Variants in USP32 observed in about 807,000 individuals in gnomAD.
USP32 encodes the protein ubiquitin carboxyl-terminal hydrolase 32.
In USP32, 59 loss-of-function variants were observed where a neutral mutation model predicts 204.8. The observed-to-expected ratio is 0.29, with a 90% CI of 0.23 to 0.36. The LOEUF (loss-of-function observed/expected upper bound fraction) is 0.36, where lower values mean the gene tolerates loss of function less well. Ranked by LOEUF, USP32 falls within the 10% of genes least tolerant of loss-of-function variation. The pLI is 1.00. For synonymous variants in USP32, 517 were observed against 678.4 expected, an observed-to-expected ratio of 0.76 and a Z score of 3.70; for missense variants, 1,160 against 1,946.4, an observed-to-expected ratio of 0.60 and a Z score of 7.60.
In USP32 at chr17:60,187,828, A is replaced by G. The variant is rs534610416; in HGVS notation, c.3643-2177T>C. On this transcript the variant is annotated intron_variant, in intron 29 of 33. Transcript: ENST00000300896. ...CTCTACTATTGTTTAAATAATCTAT[A>G]AATTACTTATAGGCACCCTCTTCTT... Among the ~76,000 whole-genome samples, 149 of 152,330 alleles carry G rather than the reference A, an allele frequency of 9.8e-4. 1 individual carries two copies. The highest frequency in any genetic ancestry group is 1.7e-3 in the Non-Finnish European group (113 of 68,038).
chr17:60,347,437 T>C (rs1323351954), intron 1 of USP32, among the ~76,000 whole-genome samples: 3 of 151,076 alleles, frequency 2.0e-5, no homozygotes, highest in Non-Finnish European at 4.4e-5. Flanking sequence ...CACTGCAAGC[T>C]CCGCCTCCCA....
At chr17:60,330,671 C>T (rs866799297) in intron 2 of USP32, among the ~76,000 whole-genome samples, 6 of 151,910 alleles carry the variant, frequency 3.9e-5, no homozygotes, top group Non-Finnish European at 5.9e-5. Flanking sequence ...CTCAGCCTCC[C>T]GAGTAGCTGG....
intron 29 of USP32, among the ~76,000 whole-genome samples, chr17:60,190,168 C>A (rs2084341953): frequency 6.6e-6 from 1 of 152,182 alleles, no homozygotes; most frequent in Non-Finnish European, 1.5e-5. Context: ...GTTTGGTCCT[C>A]CCTCTTGCCT....
chr17:60,312,760 A>T (rs570717483), intron 2 of USP32, among the ~76,000 whole-genome samples: 1 of 152,212 alleles, frequency 6.6e-6, no homozygotes, highest in Non-Finnish European at 1.5e-5. Context: ...ACCAACCTAC[A>T]TGCTTAAAAG....
chr17:60,277,636 A>G (rs237959), intron 5 of USP32, among the ~76,000 whole-genome samples: 4 of 152,124 alleles, frequency 2.6e-5, no homozygotes, highest in African/African-American at 9.7e-5. Flanking sequence ...GACAATATAC[A>G]TTTCTTGAGT....
chr17:60,354,557 A>G (rs1324868769), intron 1 of USP32, among the ~76,000 whole-genome samples: 2 of 152,216 alleles, frequency 1.3e-5, no homozygotes, highest in Non-Finnish European at 2.9e-5. Context: ...TGCTTGGTGC[A>G]GCTGATCTGA....
At chr17:60,338,663 G>A (rs765962415) in intron 2 of USP32, among the ~76,000 whole-genome samples, 5 of 152,134 alleles carry the variant, frequency 3.3e-5, no homozygotes, top group African/African-American at 9.7e-5. Context: ...TCAGGAGGTC[G>A]AGGATGCAGT....
chr17:60,381,936 A>C (rs2089653254), intron 1 of USP32, among the ~76,000 whole-genome samples: 1 of 152,122 alleles, frequency 6.6e-6, no homozygotes, highest in Non-Finnish European at 1.5e-5. Flanking sequence ...AGTTTTGCCT[A>C]TTTTGGAACC....
intron 1 of USP32, among the ~76,000 whole-genome samples, chr17:60,389,377 A>C (rs1427398217): frequency 6.6e-6 from 1 of 151,994 alleles, no homozygotes; most frequent in Non-Finnish European, 1.5e-5. Context: ...CCCCATCTCT[A>C]CTAAAAATAC....
chr17:60,325,800 A>G (rs1277352293), intron 2 of USP32, among the ~76,000 whole-genome samples: 1 of 151,720 alleles, frequency 6.6e-6, no homozygotes, highest in Non-Finnish European at 1.5e-5. Flanking sequence ...TTTGTGGCAC[A>G]TGTCTGTAGT....
chr17:60,366,168 C>CT (rs953208013), intron 1 of USP32, among the ~76,000 whole-genome samples: 2 of 146,770 alleles, frequency 1.4e-5, no homozygotes, highest in Non-Finnish European at 3.0e-5. Context: ...TTTCTTTTTT[C>CT]TTTTTTTTGA....
intron 2 of USP32, among the ~76,000 whole-genome samples, chr17:60,340,827 T>G (rs2088640460): frequency 1.3e-5 from 2 of 152,226 alleles, no homozygotes; most frequent in African/African-American, 4.8e-5. Context: ...CTTTCCATGT[T>G]TAGTGCTTCT....
Position 60,181,897 on chromosome 17 carries a change from T to A in USP32, c.4124-149A>T, listed in dbSNP as rs952627896. On this transcript the variant is annotated intron_variant, in intron 31 of 33. Transcript: ENST00000300896. ...ACTGGCTACTCTTTAGTTCCTATTA[T>A]GTAGCCAGTAAGTTACATTTTTGTC... 38 of 1,264,456 alleles carry A rather than the reference T, an allele frequency of 3.0e-5. No individual in the cohort carries two copies. In the African/African-American group the frequency reaches 4.8e-4, roughly 16 times the overall value. 78.3% of individuals were successfully genotyped at this position (1,264,456 alleles called of 1,614,324 possible).
rs780972883 is a variant in USP32, at chr17:60,181,542, C to T, written c.4330G>A (p.Ala1444Thr). ...GAGQICELAD[A>T]LSRGHVLGGS... ...CCCAGCACATGCCCTCGACTCAAGG[C>T]GTCAGCCAGCTCACATATCTGCCCA... Residue 1444 changes from alanine (A) to threonine (T), a missense_variant, in exon 32 of 34, where the codon GCC becomes ACC. By Grantham distance (58) the Ala-to-Thr change is moderately conservative. Transcript: ENST00000300896. 24 of 1,613,886 alleles carry T rather than the reference C, an allele frequency of 1.5e-5. No individual in the cohort carries two copies. The highest frequency in any genetic ancestry group is 6.7e-5 in the East Asian group (3 of 44,898).
intron 1 of USP32, among the ~76,000 whole-genome samples, chr17:60,401,989 C>T (rs1179256888): frequency 6.6e-6 from 1 of 152,152 alleles, no homozygotes; most frequent in Non-Finnish European, 1.5e-5. Context: ...GTGCTAGCCT[C>T]ATGGGCAACC....
intron 12 of USP32, among the ~76,000 whole-genome samples, chr17:60,227,037 CAAAA>C (rs58720440): frequency 2.3e-4 from 14 of 61,302 alleles, no homozygotes; most frequent in African/African-American, 7.1e-4. Context: ...GACTCTGTCT[CAAAA>C]AAAAAAAAAA....
At chr17:60,299,166 A>C (rs1279714607) in intron 3 of USP32, among the ~76,000 whole-genome samples, 1 of 152,174 alleles carries the variant, frequency 6.6e-6, no homozygotes, top group Admixed American at 6.5e-5. Flanking sequence ...AAACAAAAAC[A>C]AAACCACGTA....
chr17:60,360,339 T>C (rs1032871336), intron 1 of USP32, among the ~76,000 whole-genome samples: 4 of 151,850 alleles, frequency 2.6e-5, no homozygotes, highest in Non-Finnish European at 4.4e-5. Flanking sequence ...TTTTTGTATT[T>C]TTACAAATAC....
At chr17:60,320,026 A>G (rs879664160) in intron 2 of USP32, among the ~76,000 whole-genome samples, 1 of 152,152 alleles carries the variant, frequency 6.6e-6, no homozygotes, top group Non-Finnish European at 1.5e-5. Context: ...CTTCAATATC[A>G]GCATTGGAAC....
Sources: allele counts gnomAD v4.1 joint callset (sites outside exome capture counted in the v4.1 genomes callset), GRCh38; gene constraint gnomAD v4.1.1; transcripts MANE v1.5; gene names NCBI Gene and HGNC (gene_info 2026-07-23, HGNC 2026-07-21).